The following METTL15 variants were observed in gnomAD, a reference collection of about 807,000 sequenced individuals.
METTL15 encodes the protein 12S rRNA N(4)-cytidine methyltransferase METTL15.
METTL15 carries 34 observed loss-of-function variants against 38.3 expected under a neutral mutation model. The observed-to-expected ratio is 0.89, with a 90% CI of 0.68 to 1.18. METTL15 has a LOEUF of 1.18. Among genes scored for constraint, METTL15 ranks in the 50% most tolerant of loss-of-function variants. The probability of loss-of-function intolerance (pLI) is 0.00; values close to 1 mark genes in which losing one functional copy is unlikely to be tolerated. For synonymous variants in METTL15, 162 were observed against 170.9 expected (o/e 0.95, Z 0.41); for missense variants, 438 against 498.4 (o/e 0.88, Z 1.15).
At chr11:28,449,040 G>A (rs1327786486) in intron 6 of METTL15, among the ~76,000 whole-genome samples, 1 of 152,020 alleles carries the variant, frequency 6.6e-6, no homozygotes, top group Non-Finnish European at 1.5e-5. Context: ...GTTCTCTTTG[G>A]GGGTTGTCTG....
At chr11:28,341,624 A>G (rs1849953547) in intron 3 of METTL15, among the ~76,000 whole-genome samples, 1 of 152,222 alleles carries the variant, frequency 6.6e-6, no homozygotes, top group African/African-American at 2.4e-5. Context: ...TGTATTAAAC[A>G]TGAATATTTA....
chr11:28,277,180 TC>T (rs1295807381), intron 4 of METTL15, among the ~76,000 whole-genome samples: 1 of 152,112 alleles, frequency 6.6e-6, no homozygotes, highest in Non-Finnish European at 1.5e-5. Flanking sequence ...GGAGATTTCT[TC>T]AAAAACTACA....
downstream of METTL15, among the ~76,000 whole-genome samples, chr11:28,531,478 G>A (rs1320529392): frequency 6.6e-6 from 1 of 151,966 alleles, no homozygotes; most frequent in African/African-American, 2.4e-5. Context: ...AGTGAAAGGA[G>A]AACAGATTTG....
At chr11:28,270,925 G>A (rs891259988) in intron 4 of METTL15, among the ~76,000 whole-genome samples, 2 of 152,148 alleles carry the variant, frequency 1.3e-5, no homozygotes, top group African/African-American at 4.8e-5. Flanking sequence ...TTCTTCATCT[G>A]TAGAATAGGG....
intron 5 of METTL15, among the ~76,000 whole-genome samples, chr11:28,396,518 G>A (rs1443810908): frequency 1.1e-4 from 16 of 152,142 alleles, no homozygotes; most frequent in Admixed American, 1.0e-3. Context: ...AAATACCTAG[G>A]AATCCAACTG....
At chr11:28,143,983 G>C (rs900721548) in intron 3 of METTL15, among the ~76,000 whole-genome samples, 1 of 152,098 alleles carries the variant, frequency 6.6e-6, no homozygotes, top group Non-Finnish European at 1.5e-5. Context: ...GTTAGGTTCT[G>C]CTCCAGCAGG....
intron 5 of METTL15, among the ~76,000 whole-genome samples, chr11:28,363,562 G>A (rs1850159004): frequency 1.3e-5 from 2 of 152,150 alleles, no homozygotes; most frequent in African/African-American, 4.8e-5. Context: ...GTTGCTTTAA[G>A]TACTTCGTAG....
At chr11:28,500,816 C>T (rs1851576197) in intron 6 of METTL15, among the ~76,000 whole-genome samples, 2 of 152,172 alleles carry the variant, frequency 1.3e-5, no homozygotes, top group Admixed American at 1.3e-4. Flanking sequence ...AGCCACTGCA[C>T]CCGGCTTTGA....
At chr11:28,202,840 A>G (rs1852165699) in intron 3 of METTL15, among the ~76,000 whole-genome samples, 1 of 152,270 alleles carries the variant, frequency 6.6e-6, no homozygotes, top group East Asian at 1.9e-4. Flanking sequence ...TATTCTGCAG[A>G]TTGAAAATGA....
At chr11:28,190,311 A>G (rs760779042) in intron 3 of METTL15, among the ~76,000 whole-genome samples, 69 of 151,300 alleles carry the variant, frequency 4.6e-4, no homozygotes, top group Non-Finnish European at 8.6e-4. Flanking sequence ...ATAGAGGTCA[A>G]TTATTATTCT....
intron 5 of METTL15, among the ~76,000 whole-genome samples, chr11:28,411,139 G>A (rs1294532939): frequency 6.6e-6 from 1 of 151,904 alleles, no homozygotes; most frequent in Admixed American, 6.6e-5. Context: ...TCATGAATAA[G>A]AAGAATTAAT....
intron 5 of METTL15, among the ~76,000 whole-genome samples, chr11:28,401,257 T>C (rs1479943598): frequency 6.6e-6 from 1 of 152,000 alleles, no homozygotes; most frequent in Non-Finnish European, 1.5e-5. Flanking sequence ...GGAGGAAGAA[T>C]CAGCTGCCTA....
At chr11:28,285,413 T>C (rs1856217127) in intron 4 of METTL15, among the ~76,000 whole-genome samples, 1 of 151,832 alleles carries the variant, frequency 6.6e-6, no homozygotes, top group African/African-American at 2.4e-5. Context: ...GTGTATTGTA[T>C]ATGTGACCCA....
intron 4 of METTL15, among the ~76,000 whole-genome samples, chr11:28,249,059 C>T (rs1854630625): frequency 1.3e-5 from 2 of 151,924 alleles, no homozygotes; most frequent in Admixed American, 6.6e-5. Context: ...TCCTAGAAAT[C>T]TTATAATGCT....
intron 4 of METTL15, among the ~76,000 whole-genome samples, chr11:28,216,568 T>C (rs943110685): frequency 1.3e-5 from 2 of 152,044 alleles, no homozygotes; most frequent in Non-Finnish European, 2.9e-5. Flanking sequence ...AGAAACTTCT[T>C]TTTTTTATTA....
At chr11:28,370,434 T>A (rs1175521859) in intron 5 of METTL15, among the ~76,000 whole-genome samples, 1 of 151,976 alleles carries the variant, frequency 6.6e-6, no homozygotes, top group Non-Finnish European at 1.5e-5. Flanking sequence ...TGTCTACATA[T>A]CATATTTACT....
chr11:28,294,086 C>T (rs2133996318), intron 5 of METTL15, among the ~76,000 whole-genome samples: 1 of 152,286 alleles, frequency 6.6e-6, no homozygotes, highest in South Asian at 2.1e-4. Context: ...GAACTTCCAA[C>T]ACTATGTTGA....
chr11:28,229,003 A>G (rs1365602125), intron 4 of METTL15, among the ~76,000 whole-genome samples: 2 of 151,856 alleles, frequency 1.3e-5, no homozygotes, highest in African/African-American at 2.4e-5. Context: ...CTTTCTAGCT[A>G]TGAGATTTTT....
At chr11:28,265,463 T>C (rs1855376396) in intron 4 of METTL15, among the ~76,000 whole-genome samples, 1 of 151,908 alleles carries the variant, frequency 6.6e-6, no homozygotes, top group Non-Finnish European at 1.5e-5. Context: ...GCCTTCTCTT[T>C]ATTATCTTTT....
Sources: gnomAD v4.1 joint callset for allele counts (sites outside exome capture counted in the v4.1 genomes callset) on GRCh38, gnomAD v4.1.1 for gene constraint, MANE v1.5 for transcripts, NCBI Gene and HGNC (gene_info 2026-07-23, HGNC 2026-07-21) for gene names.